Variants in TTC23 observed in about 807,000 individuals in gnomAD.
TTC23 encodes the protein tetratricopeptide repeat protein 23.
TTC23 carries 58 observed loss-of-function variants against 55.1 expected under a neutral mutation model. The ratio of observed to expected loss-of-function variants is 1.05; its 90% CI spans 0.85 to 1.31. The LOEUF (loss-of-function observed/expected upper bound fraction) is 1.31. Ranked by LOEUF, TTC23 falls within the 50% of genes most tolerant of loss-of-function variation. The pLI is 0.00. For missense variants in TTC23, 516 were observed against 534.4 expected, an observed-to-expected ratio of 0.97 and a Z score of 0.34; for synonymous variants, 203 against 199.9, an observed-to-expected ratio of 1.02 and a Z score of -0.13.
chr15:99,168,087 A>G (rs2072388608), intron 10 of TTC23, among the ~76,000 whole-genome samples: 1 of 152,220 alleles, frequency 6.6e-6, no homozygotes, highest in Non-Finnish European at 1.5e-5. Context: ...CAGAGCCTTC[A>G]GTGGTCCTCA....
At chr15:99,235,720 A>G (rs1240118312) in intron 3 of TTC23, among the ~76,000 whole-genome samples, 2 of 152,202 alleles carry the variant, frequency 1.3e-5, no homozygotes, top group African/African-American at 4.8e-5. Context: ...GTAAATTCAC[A>G]TTGCTGTACA....
At position 99,204,632 on chromosome 15, in the gene TTC23, GTTTTTTT is replaced by G. The variant is rs56890685; in HGVS notation, c.582-4543_582-4537del. Among the ~76,000 whole-genome samples, 19 of 60,892 alleles carry G rather than the reference GTTTTTTT, an allele frequency of 3.1e-4. 1 individual carries two copies. In the South Asian group the frequency reaches 8.4e-3, roughly 27 times the overall value. The allele number at this position is 60,892 out of a possible 152,430, so 39.9% of individuals were successfully genotyped here. A position where few individuals can be genotyped will look rare whatever the true frequency, so the allele number is the denominator to read the frequency against. ...TCAGAGTTTCAGTCTTAGATTTAAG[GTTTTTTT>G]TTTTTTTTTTTTTTTTAGACAGGTC... On this transcript the variant is annotated intron_variant, in intron 8 of 13. Transcript: ENST00000394132.
Position 99,137,155 on chromosome 15 carries a change from T to C in TTC23, c.*855A>G, listed in dbSNP as rs2067655136. Reference sequence around the variant, plus strand: ...TCGATCTGGCACTGGATCTCCTCGTTGACATCGTGGAGGAAGGCACTCAAA... The same window carrying C: ...TCGATCTGGCACTGGATCTCCTCGTCGACATCGTGGAGGAAGGCACTCAAA... On this transcript the variant is annotated 3_prime_UTR_variant, in exon 14 of 14. Coordinates refer to ENST00000394132, the MANE Select transcript of TTC23 (RefSeq NM_001288615.3). 6.6e-6 allele frequency: 1 copy of C among 152,330 alleles called. No homozygotes were observed. The highest frequency in any genetic ancestry group is 1.5e-5 in the Non-Finnish European group (1 of 68,108). 9.4% of individuals were successfully genotyped at this position (152,330 alleles called of 1,614,324 possible).
At chr15:99,244,630 G>T (rs889920391) in intron 2 of TTC23, among the ~76,000 whole-genome samples, 4 of 152,016 alleles carry the variant, frequency 2.6e-5, no homozygotes, top group African/African-American at 9.7e-5. Flanking sequence ...ATTATCGAAA[G>T]AAATTAAAGA....
intron 9 of TTC23, among the ~76,000 whole-genome samples, chr15:99,176,199 G>A (rs1280702878): frequency 6.6e-6 from 1 of 152,208 alleles, no homozygotes; most frequent in African/African-American, 2.4e-5. Flanking sequence ...GGAGAGGCAT[G>A]GGCTAGAAAG....
chr15:99,200,097 C>A lies in TTC23; in HGVS notation c.582-1G>T. ...TGACTTCTTCTGACCTTGATACACC[C>A]TAAAAAAATCAAAGGAATTATTTTA... On this transcript the variant is annotated splice_acceptor_variant, in intron 8 of 13. Coordinates refer to ENST00000394132, the MANE Select transcript of TTC23 (RefSeq NM_001288615.3). LOFTEE classifies it high-confidence loss of function. 6.4e-7 allele frequency: 1 copy of A among 1,566,926 alleles called. No individual in the cohort carries two copies.
At position 99,200,073 on chromosome 15, in the gene TTC23, G is replaced by A; in HGVS notation, c.605C>T (p.Ser202Leu). 1 of 1,611,094 alleles carries A rather than the reference G, an allele frequency of 6.2e-7. No individual in the cohort carries two copies. The highest frequency in any genetic ancestry group is 8.5e-7 in the Non-Finnish European group (1 of 1,178,486). ...FAQVYQGQKK[S>L]KEALSHYQAA... ...TTGATAGTGGGACAAAGCTTCTTTT[G>A]ACTTCTTCTGACCTTGATACACCCT... Residue 202 changes from serine to leucine, a missense_variant, in exon 9 of 14, where the codon TCA (serine) becomes TTA (leucine). By Grantham distance (145) the Ser-to-Leu change is moderately radical (BLOSUM62 -2). Transcript: ENST00000394132.
At chr15:99,166,869 G>A (rs564415915) in intron 10 of TTC23, among the ~76,000 whole-genome samples, 3 of 152,300 alleles carry the variant, frequency 2.0e-5, no homozygotes, top group Admixed American at 6.5e-5. Context: ...ATATTAGAAT[G>A]GCCTAGAGCT....
At chr15:99,203,195 A>T (rs2076334733) in intron 8 of TTC23, among the ~76,000 whole-genome samples, 1 of 152,228 alleles carries the variant, frequency 6.6e-6, no homozygotes, top group Non-Finnish European at 1.5e-5. Flanking sequence ...TTAAAAAAAC[A>T]GAATAATGTA....
At chr15:99,183,780 T>C (rs1236652545) in intron 9 of TTC23, among the ~76,000 whole-genome samples, 2 of 152,190 alleles carry the variant, frequency 1.3e-5, no homozygotes, top group African/African-American at 2.4e-5. Context: ...GAAATTTGCA[T>C]AAGTAACGAG....
At chr15:99,156,365 G>C (rs1228340941) in intron 11 of TTC23, 68 bp from the exon 12 acceptor site, 1 of 1,571,096 alleles carries the variant, frequency 6.4e-7, no homozygotes, top group African/African-American at 1.4e-5. Context: ...TACGCAACTT[G>C]TAACATTTTC....
intron 5 of TTC23, among the ~76,000 whole-genome samples, chr15:99,227,867 G>C (rs1408946036): frequency 3.9e-5 from 6 of 152,206 alleles, no homozygotes; most frequent in Non-Finnish European, 5.9e-5. Context: ...AAGAAAGTGT[G>C]CCTTAACTGC....
At chr15:99,168,436 G>A (rs1317299110) in intron 10 of TTC23, among the ~76,000 whole-genome samples, 1 of 152,216 alleles carries the variant, frequency 6.6e-6, no homozygotes, top group African/African-American at 2.4e-5. Context: ...GCAACCTCAA[G>A]TTCCTGTTAC....
chr15:99,174,940 C>T (rs1217085499), intron 10 of TTC23, 110 bp downstream of exon 10: 3 of 786,838 alleles, frequency 3.8e-6, no homozygotes, highest in African/African-American at 3.5e-5. Flanking sequence ...AAGGAAGGCT[C>T]TGTGGCGGGC....
intron 9 of TTC23, among the ~76,000 whole-genome samples, chr15:99,179,810 G>A (rs901846032): frequency 4.6e-5 from 7 of 151,876 alleles, no homozygotes; most frequent in African/African-American, 1.7e-4. Flanking sequence ...CATGGAACAT[G>A]AGGGCTCAGG....
intron 4 of TTC23, among the ~76,000 whole-genome samples, chr15:99,234,026 A>G (rs1405117094): frequency 6.6e-6 from 1 of 152,218 alleles, no homozygotes; most frequent in Non-Finnish European, 1.5e-5. Context: ...TATTATATAC[A>G]AAAATTAACT....
rs1596149961 is a variant in TTC23 at position 99,137,424 on chromosome 15, A to G, written c.*586T>C. The G allele has an allele frequency of 6.6e-6, 1 of 152,324 alleles. No homozygotes were observed. Among genetic ancestry groups the G allele is most frequent in the East Asian group, 1.9e-4 (1 of 5,182 alleles). The allele number at this position is 152,324 out of a possible 1,614,324, so 9.4% of individuals were successfully genotyped here. ...ACACCTGCCTCCTGGGCCCCAGGCC[A>G]AGTCAGGTGTGTCGGCCTCCTGCCC... is the stretch of plus-strand genomic sequence containing the variant. On this transcript the variant is annotated 3_prime_UTR_variant, in exon 14 of 14. Coordinates refer to ENST00000394132, the MANE Select transcript of TTC23 (RefSeq NM_001288615.3).
intron 8 of TTC23, among the ~76,000 whole-genome samples, chr15:99,217,042 T>C (rs1195697942): frequency 1.3e-5 from 2 of 152,108 alleles, no homozygotes; most frequent in African/African-American, 2.4e-5. Flanking sequence ...TAGAGCATTA[T>C]ACAGGAACCA....
intron 9 of TTC23, among the ~76,000 whole-genome samples, chr15:99,183,897 A>ATGATTT (rs1471045538): frequency 6.6e-6 from 1 of 151,986 alleles, no homozygotes; most frequent in East Asian, 1.9e-4. Context: ...AGGAGGAAAA[A>ATGATTT]TGATTTTGTG....
Sources: gnomAD v4.1 joint callset for allele counts (sites outside exome capture counted in the v4.1 genomes callset) on GRCh38, gnomAD v4.1.1 for gene constraint, MANE v1.5 for transcripts, NCBI Gene and HGNC (gene_info 2026-07-23, HGNC 2026-07-21) for gene names.